CDH12: variants seen among roughly 807,000 people sequenced by gnomAD.
The protein encoded by CDH12 is cadherin 12, also known as cadherin-12.
Under a neutral mutation model 74.1 loss-of-function variants are expected in CDH12, and 41 were observed. The ratio of observed to expected loss-of-function variants is 0.55; its 90% CI spans 0.43 to 0.72. The LOEUF (loss-of-function observed/expected upper bound fraction) is 0.72, where lower values mean the gene tolerates loss of function less well. Ranked by LOEUF, CDH12 falls within the 30% of genes least tolerant of loss-of-function variation. The pLI is 0.00. For missense variants in CDH12, 945 were observed against 977.2 expected, an observed-to-expected ratio of 0.97 and a Z score of 0.44; for synonymous variants, 399 against 355.0, an observed-to-expected ratio of 1.12 and a Z score of -1.39.
intron 2 of CDH12, among the ~76,000 whole-genome samples, chr5:22,448,547 A>G (rs927548458): frequency 6.6e-6 from 1 of 152,116 alleles, no homozygotes; most frequent in Non-Finnish European, 1.5e-5. Context: ...CAGAAAAATA[A>G]TAAGAGGATT....
chr5:22,753,403 CT>C (rs1745705450), intron 1 of CDH12, among the ~76,000 whole-genome samples: 1 of 148,172 alleles, frequency 6.7e-6, no homozygotes, highest in Admixed American at 6.8e-5. Flanking sequence ...CGCCATTGCA[CT>C]TTAGCCTGGG....
chr5:21,802,833 C>T (rs1235062402), intron 9 of CDH12, among the ~76,000 whole-genome samples: 3 of 151,986 alleles, frequency 2.0e-5, no homozygotes, highest in African/African-American at 7.2e-5. Flanking sequence ...CTCAGGTGAT[C>T]CACCCACCTC....
chr5:21,866,147 G>A (rs772014338), intron 6 of CDH12, among the ~76,000 whole-genome samples: 4 of 152,208 alleles, frequency 2.6e-5, no homozygotes, highest in Non-Finnish European at 5.9e-5. Context: ...GGAACTGTGA[G>A]TCCATTACAT....
intron 4 of CDH12, among the ~76,000 whole-genome samples, chr5:22,203,041 G>T (rs1052810114): frequency 8.5e-5 from 13 of 152,084 alleles, no homozygotes; most frequent in Non-Finnish European, 1.0e-4. Context: ...TATACGATGT[G>T]TAATAATCAA....
intron 6 of CDH12, chr5:21,883,497 C>G (rs1279322299): frequency 7.4e-6 from 12 of 1,612,780 alleles, no homozygotes; most frequent in East Asian, 6.7e-5. Flanking sequence ...AGTCAAGGCT[C>G]CAGGGTTTGG....
chr5:22,626,320 G>T (rs989382675), intron 1 of CDH12, among the ~76,000 whole-genome samples: 1 of 152,116 alleles, frequency 6.6e-6, no homozygotes, highest in African/African-American at 2.4e-5. Context: ...CCCCTACAGA[G>T]CATTTTGGCC....
chr5:21,884,132 A>T (rs1324786546), intron 6 of CDH12: 1 of 1,503,334 alleles, frequency 6.7e-7, no homozygotes, highest in Admixed American at 1.7e-5. Context: ...TGAATATGGT[A>T]GAAAAAGGAA....
At chr5:22,515,451 G>T (rs1736770407) in intron 1 of CDH12, among the ~76,000 whole-genome samples, 1 of 152,082 alleles carries the variant, frequency 6.6e-6, no homozygotes, top group African/African-American at 2.4e-5. Context: ...GTATAGGAAA[G>T]AAATATTGAT....
chr5:21,854,099 A>G (rs1359792452), intron 7 of CDH12, among the ~76,000 whole-genome samples: 2 of 151,820 alleles, frequency 1.3e-5, no homozygotes, highest in African/African-American at 4.8e-5. Context: ...TGCTACTCAT[A>G]TTGTATTTGA....
At chr5:22,375,199 A>G (rs1741468491) in intron 3 of CDH12, among the ~76,000 whole-genome samples, 1 of 152,132 alleles carries the variant, frequency 6.6e-6, no homozygotes, top group Non-Finnish European at 1.5e-5. Flanking sequence ...AATTCTGAGG[A>G]CAGGAAATCC....
Position 22,681,929 on chromosome 5 carries a change from A to C in CDH12, c.-523+171129T>G, listed in dbSNP as rs187910113. On this transcript the variant is annotated intron_variant, in intron 1 of 14. Coordinates refer to ENST00000382254, the MANE Select transcript of CDH12 (RefSeq NM_004061.5). ...TTTCAGTTTGGTTTCTGTATCTGAC[A>C]GTATGACATGAAATCCATCAAACAG... Among the ~76,000 whole-genome samples the C allele has an allele frequency of 6.6e-5, 10 of 152,172 alleles. No homozygotes were observed. In the East Asian group the frequency reaches 1.5e-3, roughly 24 times the overall value.
intron 1 of CDH12, among the ~76,000 whole-genome samples, chr5:22,537,124 G>A (rs567630822): frequency 6.6e-6 from 1 of 152,214 alleles, no homozygotes; most frequent in East Asian, 1.9e-4. Flanking sequence ...GATCATTACA[G>A]CAGGCTGAAA....
chr5:21,924,541 A>C (rs1236356862), intron 6 of CDH12, among the ~76,000 whole-genome samples: 1 of 13,524 alleles, frequency 7.4e-5, no homozygotes, highest in African/African-American at 9.1e-5. Context: ...TGAATACATA[A>C]ATAAATAAAT....
chr5:21,845,558 T>C (rs1347214983), intron 7 of CDH12, among the ~76,000 whole-genome samples: 1 of 150,164 alleles, frequency 6.7e-6, no homozygotes, highest in African/African-American at 2.4e-5. Context: ...CTTTAGTCTT[T>C]TTTTTTTTTT....
At chr5:22,598,300 T>C (rs1012741528) in intron 1 of CDH12, among the ~76,000 whole-genome samples, 5 of 152,214 alleles carry the variant, frequency 3.3e-5, no homozygotes, top group Admixed American at 6.5e-5. Flanking sequence ...ATAATTCCCA[T>C]GTGTCAAGGG....
intron 2 of CDH12, among the ~76,000 whole-genome samples, chr5:22,436,628 C>G (rs186404195): frequency 6.6e-6 from 1 of 151,796 alleles, no homozygotes. Context: ...CTAGGCAGCA[C>G]GCAAGGAGAA....
chr5:22,575,515 C>T (rs968023490), intron 1 of CDH12, among the ~76,000 whole-genome samples: 3 of 152,038 alleles, frequency 2.0e-5, no homozygotes, highest in Non-Finnish European at 4.4e-5. Flanking sequence ...ACATCAGCCT[C>T]CCAAGTGGGT....
rs142990280 is a variant in CDH12 at position 22,099,045 on chromosome 5, C to T, written c.-186-20183G>A. On this transcript the variant is annotated intron_variant, in intron 4 of 14. Transcript: ENST00000382254. Reference sequence around the variant, plus strand: ...TACACATCAAGCTAAGGGATTTGCCCCCACCCAGGACTGGCAAATTAGCTT... The same window carrying T: ...TACACATCAAGCTAAGGGATTTGCCTCCACCCAGGACTGGCAAATTAGCTT... Among the ~76,000 whole-genome samples the T allele has an allele frequency of 9.3e-3, 1,411 of 152,194 alleles. 21 individuals carry two copies. Among genetic ancestry groups the T allele is most frequent in the African/African-American group, 0.033 (1,351 of 41,514 alleles).
intron 3 of CDH12, among the ~76,000 whole-genome samples, chr5:22,391,507 C>A (rs78497304): frequency 6.6e-6 from 1 of 151,928 alleles, no homozygotes; most frequent in Admixed American, 6.6e-5. Context: ...TTCCTTTTGC[C>A]CCACATAAAT....
Sources: gnomAD v4.1 joint callset for allele counts (sites outside exome capture counted in the v4.1 genomes callset) on GRCh38, gnomAD v4.1.1 for gene constraint, MANE v1.5 for transcripts, NCBI Gene and HGNC (gene_info 2026-07-23, HGNC 2026-07-21) for gene names.